CDH13: variants seen among roughly 807,000 people sequenced by gnomAD.
The protein encoded by CDH13 is cadherin 13.
A neutral mutation model predicts 63.8 loss-of-function variants in CDH13; 24 were observed. The ratio of observed to expected loss-of-function variants is 0.38; its 90% confidence interval spans 0.27 to 0.53. The LOEUF (loss-of-function observed/expected upper bound fraction) is 0.53. CDH13 is among the 20% of genes least tolerant of loss of function. The pLI, the probability that CDH13 is intolerant of heterozygous loss-of-function variation, is 0.85. For synonymous variants in CDH13, 503 were observed against 355.3 expected (o/e 1.42, Z -4.67); for missense variants, 1,049 against 903.1 (o/e 1.16, Z -2.07).
At chr16:83,167,499 CA>C (rs11430454) in intron 4 of CDH13, among the ~76,000 whole-genome samples, 21,972 of 98,926 alleles carry the variant, frequency 0.22, 1,370 homozygotes, top group African/African-American at 0.3. Context: ...GACCCTTTCC[CA>C]AAAAAAAAAA....
At chr16:83,180,682 C>T (rs2038315650) in intron 4 of CDH13, among the ~76,000 whole-genome samples, 1 of 152,172 alleles carries the variant, frequency 6.6e-6, no homozygotes, top group African/African-American at 2.4e-5. Context: ...CGAAGCCATG[C>T]CTCCTTTTCA....
intron 7 of CDH13, among the ~76,000 whole-genome samples, chr16:83,547,883 T>TG (rs1345514834): frequency 2.0e-5 from 3 of 152,108 alleles, no homozygotes; most frequent in African/African-American, 7.2e-5. Flanking sequence ...GAAGCTATCC[T>TG]GGGGCATCAG....
intron 11 of CDH13, among the ~76,000 whole-genome samples, chr16:83,767,226 G>A (rs1184873912): frequency 6.6e-6 from 1 of 151,512 alleles, no homozygotes; most frequent in Non-Finnish European, 1.5e-5. Context: ...AGCAGCTGAT[G>A]AGGTTTGGCT....
chr16:83,283,072 T>C (rs2089221119), intron 5 of CDH13, among the ~76,000 whole-genome samples: 1 of 152,216 alleles, frequency 6.6e-6, no homozygotes, highest in Admixed American at 6.5e-5. Context: ...TCCCACTTAA[T>C]GATGGGGCTG....
At chr16:82,789,332 A>T (rs1169264327) in intron 1 of CDH13, among the ~76,000 whole-genome samples, 1 of 152,196 alleles carries the variant, frequency 6.6e-6, no homozygotes, top group Non-Finnish European at 1.5e-5. Flanking sequence ...TTGTGAACTC[A>T]TGAAGGGAGG....
chr16:82,806,959 A>C (rs2037175533), intron 1 of CDH13, among the ~76,000 whole-genome samples: 1 of 152,198 alleles, frequency 6.6e-6, no homozygotes, highest in Non-Finnish European at 1.5e-5. Context: ...CATTGGGGTG[A>C]AATCCAAGAC....
chr16:82,665,786 C>G (rs559746426), intron 1 of CDH13, among the ~76,000 whole-genome samples: 12 of 152,170 alleles, frequency 7.9e-5, no homozygotes, highest in African/African-American at 2.6e-4. Context: ...ATAGTTTAGC[C>G]TAACCTACTT....
At chr16:82,739,868 A>G (rs2033852024) in intron 1 of CDH13, among the ~76,000 whole-genome samples, 3 of 152,198 alleles carry the variant, frequency 2.0e-5, no homozygotes, top group Non-Finnish European at 4.4e-5. Flanking sequence ...CTTCAAAATA[A>G]CCCTTCTTTG....
chr16:83,662,182 T>C (rs535249290), intron 8 of CDH13, among the ~76,000 whole-genome samples: 1 of 152,304 alleles, frequency 6.6e-6, no homozygotes, highest in South Asian at 2.1e-4. Flanking sequence ...TCCTTATTAT[T>C]TTTGAACTAT....
intron 5 of CDH13, among the ~76,000 whole-genome samples, chr16:83,333,734 A>G (rs1010485242): frequency 6.6e-6 from 1 of 152,200 alleles, no homozygotes; most frequent in Admixed American, 6.5e-5. Context: ...GGAAAGCTGA[A>G]GTTTCTTAGT....
At chr16:83,783,644 T>C (rs1222546014) in intron 13 of CDH13, among the ~76,000 whole-genome samples, 172 bp downstream of exon 13, 2 of 152,236 alleles carry the variant, frequency 1.3e-5, no homozygotes, top group African/African-American at 4.8e-5. Context: ...GTGCTCCCAC[T>C]GATGTTTAAA....
At chr16:82,707,122 C>T (rs746936793) in intron 1 of CDH13, among the ~76,000 whole-genome samples, 14 of 152,142 alleles carry the variant, frequency 9.2e-5, no homozygotes, top group Non-Finnish European at 1.8e-4. Flanking sequence ...CTTCCTAAAG[C>T]GTAAAGTTGG....
intron 1 of CDH13, among the ~76,000 whole-genome samples, chr16:82,682,454 A>G (rs62036328): frequency 5.1e-4 from 78 of 152,346 alleles, no homozygotes; most frequent in African/African-American, 1.9e-3. Context: ...TATTTCAACA[A>G]ATGTGGTCCC....
chr16:83,104,923 G>A (rs78585338), intron 3 of CDH13, among the ~76,000 whole-genome samples: 161 of 152,286 alleles, frequency 1.1e-3, no homozygotes, highest in African/African-American at 3.8e-3. Context: ...GTAAATACAA[G>A]GGCAGTGCTC....
intron 3 of CDH13, among the ~76,000 whole-genome samples, chr16:83,035,708 C>G (rs1916785478): frequency 6.6e-6 from 1 of 152,128 alleles, no homozygotes; most frequent in Admixed American, 6.6e-5. Context: ...GAAATGTTGG[C>G]CTGTCTTCAT....
At chr16:82,865,582 G>A (rs191841832) in intron 2 of CDH13, among the ~76,000 whole-genome samples, 30 of 152,256 alleles carry the variant, frequency 2.0e-4, no homozygotes, top group African/African-American at 5.1e-4. Context: ...GTCCTGAGAC[G>A]GCACAAAGCA....
rs541277857 is a variant in CDH13 at position 83,226,566 on chromosome 16, T to G, written c.636+9069T>G. Among the ~76,000 whole-genome samples, 5 of 151,926 alleles carry G rather than the reference T, an allele frequency of 3.3e-5. No individual in the cohort carries two copies. In the South Asian group the frequency reaches 1.0e-3, roughly 32 times the overall value. ...TGAATAAATGACAGGATGGCTACCC[T>G]TTTTTTTCTGTTTTAGTTGTCTAAC... is the stretch of plus-strand genomic sequence containing the variant. On this transcript the variant is annotated intron_variant, in intron 5 of 13. Transcript: ENST00000567109.
intron 1 of CDH13, among the ~76,000 whole-genome samples, chr16:82,808,056 A>C (rs1359780298): frequency 6.6e-6 from 1 of 152,124 alleles, no homozygotes; most frequent in African/African-American, 2.4e-5. Flanking sequence ...GGGAGGAGAG[A>C]GTGTAGTCAG....
intron 6 of CDH13, 94 bp downstream of exon 6, chr16:83,345,100 A>G (rs910579273): frequency 2.9e-6 from 4 of 1,399,308 alleles, no homozygotes; most frequent in East Asian, 2.3e-5. Flanking sequence ...GGCTGTTCCA[A>G]CTTGTCAGCT....
Sources: allele counts gnomAD v4.1 joint callset (sites outside exome capture counted in the v4.1 genomes callset), GRCh38; gene constraint gnomAD v4.1.1; transcripts MANE v1.5; gene names NCBI Gene and HGNC (gene_info 2026-07-23, HGNC 2026-07-21).